Variants in KCNMA1 observed in about 807,000 individuals in gnomAD.
The protein encoded by KCNMA1 is potassium calcium-activated channel subfamily M alpha 1, also known as Calcium-activated potassium channel subunit alpha-1.
In KCNMA1, 29 loss-of-function variants were observed where a neutral mutation model predicts 140.0. The observed-to-expected ratio is 0.21, with a 90% CI of 0.15 to 0.28. KCNMA1 has a LOEUF of 0.28. Among genes scored for constraint, KCNMA1 ranks in the 10% least tolerant of loss-of-function variants. The pLI is 1.00. For missense variants in KCNMA1, 880 were observed against 1,602.2 expected (o/e 0.55, Z 7.70); for synonymous variants, 612 against 611.9 (o/e 1.00, Z 0.00).
At chr10:77,505,692 C>T (rs1351537371) in intron 1 of KCNMA1, among the ~76,000 whole-genome samples, 1 of 152,102 alleles carries the variant, frequency 6.6e-6, no homozygotes, top group East Asian at 1.9e-4. Flanking sequence ...GGGTTGCAGC[C>T]CAGGAACACA....
At chr10:77,439,064 C>T (rs1423402752) in intron 1 of KCNMA1, among the ~76,000 whole-genome samples, 1 of 132,412 alleles carries the variant, frequency 7.6e-6, no homozygotes, top group African/African-American at 2.9e-5. Context: ...GAGCGAGACT[C>T]TCTCAAAAAA....
chr10:77,373,017 T>C (rs1187769003), intron 2 of KCNMA1: 4 of 152,230 alleles, frequency 2.6e-5, no homozygotes, highest in Non-Finnish European at 5.9e-5. Flanking sequence ...TACACATTAA[T>C]GTGTAGGATT....
chr10:77,222,605 G>A (rs971580309), intron 3 of KCNMA1, among the ~76,000 whole-genome samples: 1 of 152,132 alleles, frequency 6.6e-6, no homozygotes. Flanking sequence ...TTTGGCTGTT[G>A]GGACTTCCAG....
chr10:76,969,544 A>G (rs775019342), intron 20 of KCNMA1, among the ~76,000 whole-genome samples: 1 of 152,176 alleles, frequency 6.6e-6, no homozygotes, highest in Non-Finnish European at 1.5e-5. Context: ...TTGTGATGAT[A>G]CATCTCACAT....
chr10:77,411,091 C>T (rs1424580925), intron 1 of KCNMA1, among the ~76,000 whole-genome samples: 1 of 152,230 alleles, frequency 6.6e-6, no homozygotes, highest in Non-Finnish European at 1.5e-5. Flanking sequence ...CAACCTCTGC[C>T]TCCTGGGTTC....
At chr10:77,337,174 G>C (rs1407950873) in intron 2 of KCNMA1, among the ~76,000 whole-genome samples, 4 of 152,196 alleles carry the variant, frequency 2.6e-5, no homozygotes, top group Non-Finnish European at 5.9e-5. Context: ...TATACAGTGA[G>C]TGGATCCTCA....
In KCNMA1 at chr10:77,131,964, CAAAA is replaced by C. The variant is rs34972346; in HGVS notation, c.809-10920_809-10917del. Among the ~76,000 whole-genome samples the C allele has an allele frequency of 0.014, 1,294 of 92,528 alleles. 52 individuals are homozygous for C. In the East Asian group the frequency reaches 0.17, roughly 12 times the overall value. The allele number at this position is 92,528 out of a possible 152,430, so 60.7% of individuals were successfully genotyped here. A position where few individuals can be genotyped will look rare whatever the true frequency, so the allele number is the denominator to read the frequency against. On this transcript the variant is annotated intron_variant, in intron 5 of 27. Transcript: ENST00000286628. ...TGGGCAACAGAGCAAGACTCGGTCT[CAAAA>C]AAAAAAAAAAAAAAGAAAAGAAAAG... is the stretch of plus-strand genomic sequence containing the variant.
intron 1 of KCNMA1, among the ~76,000 whole-genome samples, chr10:77,633,042 C>T (rs891647593): frequency 4.6e-5 from 7 of 152,342 alleles, no homozygotes; most frequent in East Asian, 1.9e-4. Context: ...AGGGGCTGGA[C>T]GCCGTGCCTC....
chr10:77,401,953 G>A (rs113844044), intron 2 of KCNMA1, among the ~76,000 whole-genome samples: 4 of 152,134 alleles, frequency 2.6e-5, no homozygotes, highest in African/African-American at 9.7e-5. Context: ...ATCCTTCCTT[G>A]TTTTCTCCAG....
At chr10:77,434,294 G>A (rs2097210606) in intron 1 of KCNMA1, among the ~76,000 whole-genome samples, 1 of 152,198 alleles carries the variant, frequency 6.6e-6, no homozygotes, top group Non-Finnish European at 1.5e-5. Context: ...ACCAGAACAG[G>A]CATTCTTCCT....
At chr10:77,613,089 C>T (rs1375826991) in intron 1 of KCNMA1, among the ~76,000 whole-genome samples, 2 of 152,294 alleles carry the variant, frequency 1.3e-5, no homozygotes, top group African/African-American at 2.4e-5. Context: ...CTCCCCAAAA[C>T]CCCACCACCA....
intron 3 of KCNMA1, among the ~76,000 whole-genome samples, chr10:77,198,568 G>GAT (rs3998087): frequency 0.064 from 8,790 of 138,156 alleles, 431 homozygotes; most frequent in East Asian, 0.17. Flanking sequence ...ATATATATGT[G>GAT]ATATATATAT....
Position 77,219,835 on chromosome 10 carries a change from T to C in KCNMA1, c.602+31360A>G, listed in dbSNP as rs1022711312. 3.9e-5 allele frequency among the ~76,000 whole-genome samples: 6 copies of C among 152,332 alleles called. No individual in the cohort carries two copies. In the South Asian group the frequency reaches 6.2e-4, roughly 16 times the overall value. ...CATATAGGAACTGTAAGAAGACTAC[T>C]GGTTTGTTTCTCATCACTAACATGG... On this transcript the variant is annotated intron_variant, in intron 3 of 27. Transcript: ENST00000286628.
chr10:77,617,945 G>A (rs2090128932), intron 1 of KCNMA1, among the ~76,000 whole-genome samples: 1 of 152,146 alleles, frequency 6.6e-6, no homozygotes, highest in Non-Finnish European at 1.5e-5. Flanking sequence ...AATCTCCTGG[G>A]TGCAGTGCTA....
At chr10:76,970,284 T>C (rs2153162080) in intron 19 of KCNMA1, 1 of 539,932 alleles carries the variant, frequency 1.9e-6, no homozygotes, top group Non-Finnish European at 3.4e-6. Context: ...CCTTTGAACA[T>C]ACACTTTAAA....
intron 12 of KCNMA1, among the ~76,000 whole-genome samples, chr10:77,081,872 T>C (rs971405893): frequency 2.6e-5 from 4 of 152,002 alleles, no homozygotes; most frequent in South Asian, 4.2e-4. Context: ...AGGAGGATTA[T>C]ACAAATAAGA....
intron 2 of KCNMA1, among the ~76,000 whole-genome samples, chr10:77,259,198 T>G (rs527530184): frequency 1.3e-5 from 2 of 152,250 alleles, no homozygotes; most frequent in Admixed American, 6.5e-5. Flanking sequence ...TAGAGATGTA[T>G]TCAAGATGAA....
At chr10:76,921,984 A>G (rs1379918912) in intron 23 of KCNMA1, among the ~76,000 whole-genome samples, 3 of 152,300 alleles carry the variant, frequency 2.0e-5, no homozygotes, top group Non-Finnish European at 4.4e-5. Flanking sequence ...GAAACTCCCC[A>G]AAGGCCACCC....
At chr10:77,291,912 G>A (rs920789375) in intron 2 of KCNMA1, among the ~76,000 whole-genome samples, 4 of 152,158 alleles carry the variant, frequency 2.6e-5, no homozygotes, top group Non-Finnish European at 2.9e-5. Context: ...CTAGGAATGC[G>A]GAATTCCCCT....
Sources: gnomAD v4.1 joint callset for allele counts (sites outside exome capture counted in the v4.1 genomes callset) on GRCh38, gnomAD v4.1.1 for gene constraint, MANE v1.5 for transcripts, NCBI Gene and HGNC (gene_info 2026-07-23, HGNC 2026-07-21) for gene names.